Variants in CPNE4 observed in about 807,000 individuals in gnomAD.
The protein encoded by CPNE4 is copine 4.
A neutral mutation model predicts 67.9 loss-of-function variants in CPNE4; 25 were observed. The observed-to-expected ratio is 0.37, with a 90% CI of 0.27 to 0.51. The LOEUF (loss-of-function observed/expected upper bound fraction) is 0.51, where lower values mean the gene tolerates loss of function less well. CPNE4 is among the 20% of genes least tolerant of loss of function. The pLI is 0.93. For synonymous variants in CPNE4, 242 were observed against 244.9 expected, an observed-to-expected ratio of 0.99 and a Z score of 0.11; for missense variants, 464 against 690.8, an observed-to-expected ratio of 0.67 and a Z score of 3.68.
At chr3:131,832,908 T>C (rs1177624091) in intron 2 of CPNE4, among the ~76,000 whole-genome samples, 1 of 152,196 alleles carries the variant, frequency 6.6e-6, no homozygotes, top group Non-Finnish European at 1.5e-5. Context: ...GACTGACTGC[T>C]ATAGACTGTT....
intron 7 of CPNE4, among the ~76,000 whole-genome samples, chr3:131,644,394 G>T (rs750424566): frequency 1.3e-5 from 2 of 152,098 alleles, no homozygotes; most frequent in Non-Finnish European, 2.9e-5. Context: ...TGATCTGCCT[G>T]CCTTGTCCTC....
chr3:132,039,118 T>C (rs1011871299), upstream of CPNE4, among the ~76,000 whole-genome samples: 7 of 152,268 alleles, frequency 4.6e-5, no homozygotes, highest in Admixed American at 3.9e-4. Flanking sequence ...AGTTCAGATA[T>C]AGAACATTTC....
At chr3:131,931,213 A>G (rs181381021) in intron 1 of CPNE4, among the ~76,000 whole-genome samples, 4 of 152,280 alleles carry the variant, frequency 2.6e-5, no homozygotes, top group Admixed American at 6.5e-5. Flanking sequence ...TTGAAACTCA[A>G]CTACCACTAA....
At chr3:131,945,579 T>C (rs2071528865) in intron 1 of CPNE4, among the ~76,000 whole-genome samples, 1 of 152,200 alleles carries the variant, frequency 6.6e-6, no homozygotes, top group Admixed American at 6.5e-5. Flanking sequence ...TCAACTGAAG[T>C]CTGAGGTCCT....
intron 7 of CPNE4, among the ~76,000 whole-genome samples, chr3:131,666,430 A>T (rs568206382): frequency 6.6e-6 from 1 of 152,282 alleles, no homozygotes; most frequent in South Asian, 2.1e-4. Context: ...TACATATGTA[A>T]TGAAGAAAAA....
intron 2 of CPNE4, among the ~76,000 whole-genome samples, chr3:131,862,125 C>T (rs1327110826): frequency 1.3e-5 from 2 of 152,146 alleles, no homozygotes; most frequent in Non-Finnish European, 2.9e-5. Context: ...AGAGCAAGAA[C>T]TTTGGTACAT....
intron 2 of CPNE4, among the ~76,000 whole-genome samples, chr3:131,800,947 T>C (rs927249168): frequency 6.6e-6 from 1 of 152,102 alleles, no homozygotes; most frequent in African/African-American, 2.4e-5. Flanking sequence ...CAGATCATCA[T>C]AGCAAAAATT....
intron 1 of CPNE4, among the ~76,000 whole-genome samples, chr3:131,961,955 T>C (rs2072194360): frequency 6.6e-6 from 1 of 152,254 alleles, no homozygotes; most frequent in Non-Finnish European, 1.5e-5. Flanking sequence ...CTCAACGTTA[T>C]CTCTATCCCA....
intron 2 of CPNE4, among the ~76,000 whole-genome samples, chr3:131,847,076 A>G (rs2086028929): frequency 6.6e-6 from 1 of 152,104 alleles, no homozygotes; most frequent in African/African-American, 2.4e-5. Flanking sequence ...ATTCTAACTA[A>G]CTTGGCCTAA....
chr3:131,956,728 A>G (rs2071985443), intron 1 of CPNE4, among the ~76,000 whole-genome samples: 1 of 152,200 alleles, frequency 6.6e-6, no homozygotes, highest in Non-Finnish European at 1.5e-5. Flanking sequence ...ATAGCCAATG[A>G]AAGTTGTAGC....
intron 3 of CPNE4, among the ~76,000 whole-genome samples, chr3:131,708,892 T>C (rs989360844): frequency 6.9e-6 from 1 of 143,944 alleles, no homozygotes; most frequent in African/African-American, 2.6e-5. Flanking sequence ...GACCTTAAAA[T>C]GAATGCTCAA....
Position 131,565,091 on chromosome 3 carries a change from AC to A in CPNE4, c.928-743del, listed in dbSNP as rs1242700160. Among the ~76,000 whole-genome samples, 5 of 151,986 alleles carry A rather than the reference AC, an allele frequency of 3.3e-5. No homozygotes were observed. The East Asian group carries it at 9.7e-4, about 29-fold the overall frequency. On this transcript the variant is annotated intron_variant, in intron 10 of 15. Transcript: ENST00000429747. ...GTAAGTAAACGTTGAGTCACTGAAC[AC>A]TTCTTAATAACAAAAGAAAGAACAA...
At chr3:131,974,966 C>T (rs555774307) in intron 1 of CPNE4, among the ~76,000 whole-genome samples, 1 of 152,072 alleles carries the variant, frequency 6.6e-6, no homozygotes, top group Non-Finnish European at 1.5e-5. Flanking sequence ...GGAGATTGCA[C>T]CCCTGCACTC....
intron 7 of CPNE4, among the ~76,000 whole-genome samples, chr3:131,660,786 T>G (rs1427492798): frequency 6.6e-6 from 1 of 152,218 alleles, no homozygotes; most frequent in East Asian, 1.9e-4. Flanking sequence ...ATCTGTTTCC[T>G]TCTATTTCTA....
chr3:131,608,542 C>T (rs1343029508), intron 7 of CPNE4, among the ~76,000 whole-genome samples: 4 of 152,050 alleles, frequency 2.6e-5, no homozygotes, highest in Non-Finnish European at 5.9e-5. Context: ...GTGCCTGGGG[C>T]ACTGCACAGT....
chr3:131,640,291 G>A (rs902153450), intron 7 of CPNE4, among the ~76,000 whole-genome samples: 1 of 152,044 alleles, frequency 6.6e-6, no homozygotes, highest in Admixed American at 6.6e-5. Flanking sequence ...TCCCAGAACT[G>A]GTAAATGAAT....
intron 1 of CPNE4, among the ~76,000 whole-genome samples, chr3:131,979,719 T>A (rs1375047770): frequency 6.6e-6 from 1 of 152,180 alleles, no homozygotes; most frequent in Non-Finnish European, 1.5e-5. Flanking sequence ...ATTGCATTCA[T>A]CATGCTGTTT....
intron 7 of CPNE4, among the ~76,000 whole-genome samples, chr3:131,623,706 A>G (rs1209435304): frequency 6.6e-6 from 1 of 152,242 alleles, no homozygotes; most frequent in East Asian, 1.9e-4. Flanking sequence ...GTTAAAATGC[A>G]TATTCCCAAG....
Position 131,717,006 on chromosome 3 carries a change from G to A in CPNE4, c.360+6440C>T, listed in dbSNP as rs184625847. 3.0e-4 allele frequency among the ~76,000 whole-genome samples: 46 copies of A among 152,320 alleles called. No homozygotes were observed. The East Asian group carries it at 6.8e-3, about 22-fold the overall frequency. ...TATCTAGGCAGAACACAGGAAGAAGGACCTTCTTTTTACTCTGGAGTTTTA... is the reference window on the plus strand; with the variant it reads ...TATCTAGGCAGAACACAGGAAGAAGAACCTTCTTTTTACTCTGGAGTTTTA... On this transcript the variant is annotated intron_variant, in intron 3 of 15. Coordinates refer to ENST00000429747, the MANE Select transcript of CPNE4 (RefSeq NM_130808.3).
Sources: gnomAD v4.1 joint callset for allele counts (sites outside exome capture counted in the v4.1 genomes callset) on GRCh38, gnomAD v4.1.1 for gene constraint, MANE v1.5 for transcripts, NCBI Gene and HGNC (gene_info 2026-07-23, HGNC 2026-07-21) for gene names.